SLC4A8: variants seen among roughly 807,000 people sequenced by gnomAD.
SLC4A8 encodes electroneutral sodium bicarbonate exchanger 1.
In SLC4A8, 40 loss-of-function variants were observed where a neutral mutation model predicts 125.0. That is an observed-to-expected ratio of 0.32 (90% CI 0.25 to 0.42). The LOEUF is 0.42. Among genes scored for constraint, SLC4A8 ranks in the 10% least tolerant of loss-of-function variants. The probability of loss-of-function intolerance (pLI) is 1.00; values close to 1 mark genes in which losing one functional copy is unlikely to be tolerated. For synonymous variants in SLC4A8, 456 were observed against 476.0 expected, an observed-to-expected ratio of 0.96 and a Z score of 0.55; for missense variants, 863 against 1,355.1, an observed-to-expected ratio of 0.64 and a Z score of 5.70.
chr12:51,504,600 G>A (rs907325481), intron 23 of SLC4A8, among the ~76,000 whole-genome samples: 1 of 152,216 alleles, frequency 6.6e-6, no homozygotes, highest in Non-Finnish European at 1.5e-5. Flanking sequence ...ACCTTCCAAA[G>A]ATGAAAAGGA....
chr12:51,425,876 G>A (rs910984472), intron 1 of SLC4A8, among the ~76,000 whole-genome samples: 2 of 152,216 alleles, frequency 1.3e-5, no homozygotes, highest in Non-Finnish European at 2.9e-5. Context: ...TTGAGGATCA[G>A]ACGAAGTGCT....
intron 1 of SLC4A8, chr12:51,391,567 G>A (rs1013703150): frequency 2.0e-5 from 3 of 152,636 alleles, no homozygotes; most frequent in Admixed American, 6.5e-5. Context: ...GGGCCCTCCC[G>A]GGGAGAGGGT....
chr12:51,451,129 T>G, intron 3 of SLC4A8, 107 bp downstream of exon 3: 1 of 1,004,298 alleles, frequency 1.0e-6, no homozygotes, highest in Non-Finnish European at 1.3e-6. Flanking sequence ...TGAGCCTTTT[T>G]GTAGGATTTC....
At chr12:51,433,165 T>A (rs532589449) in intron 1 of SLC4A8, among the ~76,000 whole-genome samples, 1 of 152,364 alleles carries the variant, frequency 6.6e-6, no homozygotes, top group African/African-American at 2.4e-5. Flanking sequence ...GAATCTGGTC[T>A]GCTACTCAGT....
chr12:51,408,863 G>A (rs181464835), intron 1 of SLC4A8, among the ~76,000 whole-genome samples: 243 of 152,264 alleles, frequency 1.6e-3, no homozygotes, highest in Non-Finnish European at 2.1e-3. Flanking sequence ...TTTTAGAACA[G>A]AGAAGGAGCG....
Position 51,461,294 on chromosome 12 carries a change from AT to A in SLC4A8, c.1101+4del. On this transcript the variant is annotated splice_donor_region_variant and intron_variant, in intron 9 of 24. Coordinates refer to ENST00000453097, the MANE Select transcript of SLC4A8 (RefSeq NM_001039960.3). ...TGGCCACCATCATGACAGATGAGGT[AT>A]GTGCAACTTTTGCTTCAGTCTTCCA... 6.4e-7 allele frequency: 1 copy of A among 1,571,738 alleles called. No homozygotes were observed. Among genetic ancestry groups the A allele is most frequent in the Non-Finnish European group, 8.8e-7 (1 of 1,141,522 alleles).
At position 51,515,255 on chromosome 12, in the gene SLC4A8, C is replaced by G. The variant is rs1336503369; in HGVS notation, c.*7817C>G. The G allele has an allele frequency of 6.6e-6, 1 of 152,224 alleles. No homozygotes were observed. The highest frequency in any genetic ancestry group is 1.5e-5 in the Non-Finnish European group (1 of 68,056). The allele number at this position is 152,224 out of a possible 1,614,324, so 9.4% of individuals were successfully genotyped here. Reference sequence around the variant, plus strand: ...TTGTAGAAGAGGCCAAAATCCTCCTCCTCCTTCCTTTCTCCTATATTCACT... The same window carrying G: ...TTGTAGAAGAGGCCAAAATCCTCCTGCTCCTTCCTTTCTCCTATATTCACT... On this transcript the variant is annotated 3_prime_UTR_variant, in exon 25 of 25. Coordinates refer to ENST00000453097, the MANE Select transcript of SLC4A8 (RefSeq NM_001039960.3).
At chr12:51,448,233 G>A (rs999008138) in intron 2 of SLC4A8, among the ~76,000 whole-genome samples, 1 of 152,140 alleles carries the variant, frequency 6.6e-6, no homozygotes, top group Non-Finnish European at 1.5e-5. Flanking sequence ...TAATGTGAGA[G>A]GCAGGAAGGG....
At chr12:51,487,030 T>C (rs1455558825) in intron 17 of SLC4A8, among the ~76,000 whole-genome samples, 5 of 152,190 alleles carry the variant, frequency 3.3e-5, no homozygotes, top group Non-Finnish European at 7.3e-5. Flanking sequence ...ATAGGTAATA[T>C]GGGAACATTA....
Position 51,391,754 on chromosome 12 carries a change from C to G in SLC4A8, c.-112+266C>G, listed in dbSNP as rs529675042. On this transcript the variant is annotated intron_variant, in intron 1 of 24. Transcript: ENST00000358657. ...CCTGGCCAGGTGCAGCGGGTCCCGC[C>G]GTGTCCTCAGCCTGCTGCGGGCCCG... is the stretch of plus-strand genomic sequence containing the variant. 4 of 152,280 alleles carry G rather than the reference C, an allele frequency of 2.6e-5. No homozygotes were observed. In the East Asian group the frequency reaches 7.7e-4, roughly 29 times the overall value. 9.4% of individuals were successfully genotyped at this position (152,280 alleles called of 1,614,324 possible). A position where few individuals can be genotyped will look rare whatever the true frequency, so the allele number is the denominator to read the frequency against.
At position 51,485,906 on chromosome 12, in the gene SLC4A8, C is replaced by T. The variant is rs764038428; in HGVS notation, c.2286+6C>T. The T allele has an allele frequency of 1.3e-6, 2 of 1,500,408 alleles. No homozygotes were observed. Among genetic ancestry groups the T allele is most frequent in the Non-Finnish European group, 1.9e-6 (2 of 1,076,696 alleles). The allele number at this position is 1,500,408 out of a possible 1,614,324, so 92.9% of individuals were successfully genotyped here. On this transcript the variant is annotated splice_donor_region_variant and intron_variant, in intron 17 of 24. Transcript: ENST00000453097. ...AAGTTCCCAGTGTGTTCAAGGTAAA[C>T]AGATCTCAGAGTACTTGGTGCACTC...
chr12:51,434,464 T>G (rs1949337753), intron 1 of SLC4A8, among the ~76,000 whole-genome samples: 1 of 152,224 alleles, frequency 6.6e-6, no homozygotes, highest in Non-Finnish European at 1.5e-5. Flanking sequence ...AGCCTGACCT[T>G]TCAAATGCTT....
At chr12:51,439,359 A>G (rs1164162073) in intron 1 of SLC4A8, among the ~76,000 whole-genome samples, 1 of 152,088 alleles carries the variant, frequency 6.6e-6, no homozygotes, top group Non-Finnish European at 1.5e-5. Context: ...CCCGGCCAAG[A>G]CATTTTATTA....
chr12:51,440,907 G>T, intron 2 of SLC4A8, 118 bp downstream of exon 2: 2 of 1,013,968 alleles, frequency 2.0e-6, no homozygotes, highest in South Asian at 4.1e-5. Flanking sequence ...AAAATCACTT[G>T]ATTTCCTTTA....
intron 7 of SLC4A8, 55 bp from the exon 8 acceptor site, chr12:51,459,896 A>G: frequency 6.8e-7 from 1 of 1,471,498 alleles, no homozygotes; most frequent in South Asian, 1.2e-5. Context: ...AAATTTAAAA[A>G]CGATATTTAA....
intron 20 of SLC4A8, 180 bp from the exon 21 acceptor site, chr12:51,494,765 G>A (rs1432216169): frequency 1.2e-5 from 6 of 481,120 alleles, no homozygotes; most frequent in Non-Finnish European, 2.2e-5. Context: ...TTTTGACTTT[G>A]CCACTTAATA....
chr12:51,515,007 C>T lies in SLC4A8; in HGVS notation c.*7569C>T, dbSNP rs1013516227. 9.2e-5 allele frequency: 14 copies of T among 152,194 alleles called. No individual in the cohort carries two copies. The highest frequency in any genetic ancestry group is 3.4e-4 in the African/African-American group (14 of 41,448). 9.4% of individuals were successfully genotyped at this position (152,194 alleles called of 1,614,324 possible). ...GGAATAGCATTTTTCTTAAACCTAACCCAGTTTCAGCATTGGAGAATACAG... is the reference window on the plus strand; with the variant it reads ...GGAATAGCATTTTTCTTAAACCTAATCCAGTTTCAGCATTGGAGAATACAG... On this transcript the variant is annotated 3_prime_UTR_variant, in exon 25 of 25. Coordinates refer to ENST00000453097, the MANE Select transcript of SLC4A8 (RefSeq NM_001039960.3).
intron 11 of SLC4A8, among the ~76,000 whole-genome samples, chr12:51,465,203 A>ATTTGATATT (rs2138266443): frequency 6.6e-6 from 1 of 152,202 alleles, no homozygotes; most frequent in African/African-American, 2.4e-5. Context: ...TTGAGTATGG[A>ATTTGATATT]TTTGATATTT....
chr12:51,398,818 C>T (rs1296114733), intron 1 of SLC4A8, among the ~76,000 whole-genome samples: 3 of 152,216 alleles, frequency 2.0e-5, no homozygotes, highest in Admixed American at 1.3e-4. Flanking sequence ...GGCCTGATCT[C>T]GGCTCATTGC....
Sources: gnomAD v4.1 joint callset for allele counts (sites outside exome capture counted in the v4.1 genomes callset) on GRCh38, gnomAD v4.1.1 for gene constraint, MANE v1.5 for transcripts, NCBI Gene and HGNC (gene_info 2026-07-23, HGNC 2026-07-21) for gene names.